The following RBM25 variants were observed in gnomAD, a reference collection of about 807,000 sequenced individuals.
The protein encoded by RBM25 is RNA-binding protein 25.
A neutral mutation model predicts 120.7 loss-of-function variants in RBM25; 19 were observed. The observed-to-expected ratio is 0.16, with a 90% CI of 0.11 to 0.23. The LOEUF is 0.23. Ranked by LOEUF, RBM25 falls within the 10% of genes least tolerant of loss-of-function variation. The probability of loss-of-function intolerance (pLI) is 1.00; values close to 1 mark genes in which losing one functional copy is unlikely to be tolerated. For synonymous variants in RBM25, 390 were observed against 326.7 expected (o/e 1.19, Z -2.09); for missense variants, 605 against 1,041.5 (o/e 0.58, Z 5.77).
At chr14:73,093,322 A>G (rs2140445783) in intron 6 of RBM25, among the ~76,000 whole-genome samples, 1 of 152,368 alleles carries the variant, frequency 6.6e-6, no homozygotes, top group Admixed American at 6.5e-5. Context: ...TCTAGACCTC[A>G]GTGCCAAAGA....
chr14:73,072,000 T>G (rs1042214698), intron 2 of RBM25, among the ~76,000 whole-genome samples: 71 of 151,530 alleles, frequency 4.7e-4, no homozygotes, highest in Admixed American at 9.9e-4. Flanking sequence ...TGAGCTAGAG[T>G]CTTGCTCTGT....
chr14:73,108,276 T>C (rs933579679), intron 13 of RBM25, among the ~76,000 whole-genome samples: 3 of 152,216 alleles, frequency 2.0e-5, no homozygotes, highest in Non-Finnish European at 2.9e-5. Context: ...CCTTGAACTC[T>C]TGGGCTCAAG....
intron 1 of RBM25, chr14:73,068,261 TAG>T (rs1468436202): frequency 1.2e-6 from 1 of 837,900 alleles, no homozygotes; most frequent in Non-Finnish European, 2.1e-6. Flanking sequence ...ATAAACCATT[TAG>T]ACCCCAATAG....
intron 2 of RBM25, among the ~76,000 whole-genome samples, chr14:73,072,924 C>T (rs1051719295): frequency 4.0e-5 from 6 of 151,604 alleles, no homozygotes; most frequent in South Asian, 2.1e-4. Context: ...TTTGTGTGTG[C>T]GTGTGTGTGT....
Position 73,106,055 on chromosome 14 carries a change from C to T in RBM25, c.1351C>T (p.Arg451Ter). 1 of 1,608,664 alleles carries T rather than the reference C, an allele frequency of 6.2e-7. No individual in the cohort carries two copies. Residue 451 changes from arginine to a stop codon, truncating the protein, a stop_gained, in exon 11 of 19, where the codon CGA becomes TGA. Transcript: ENST00000261973. LOFTEE classifies it high-confidence loss of function. ...ACGAAGAAAACTTGAAAGAAAACTC[C>T]GAGAGAAAGAAGCTGCTTATCAAGA... ...YERRKLERKLREKEAAYQERL... is the reference protein window; with the variant it reads ...YERRKLERKL
In RBM25 at chr14:73,119,961, T is replaced by A. The variant is rs370237171; in HGVS notation, c.*156T>A. 7.3e-5 allele frequency: 81 copies of A among 1,105,294 alleles called. No homozygotes were observed. In the East Asian group the frequency reaches 8.2e-4, roughly 11 times the overall value. 68.5% of individuals were successfully genotyped at this position (1,105,294 alleles called of 1,614,324 possible). On this transcript the variant is annotated 3_prime_UTR_variant, in exon 19 of 19. Transcript: ENST00000261973. ...TTGGTCCTCTAATTTGTTGTTGCCC[T>A]GTGTACTCCCTTGGTTGTAAAGTCA...
chr14:73,071,829 G>T, intron 2 of RBM25, 82 bp downstream of exon 2: 3 of 1,148,470 alleles, frequency 2.6e-6, no homozygotes, highest in Non-Finnish European at 3.9e-6. Flanking sequence ...TGTTAGATAT[G>T]TGACTGTGTT....
chr14:73,081,303 A>T (rs542393602), intron 4 of RBM25, among the ~76,000 whole-genome samples: 3 of 152,090 alleles, frequency 2.0e-5, no homozygotes, highest in African/African-American at 7.2e-5. Context: ...ACGTCCGGCT[A>T]ATTTTTGTAT....
intron 6 of RBM25, among the ~76,000 whole-genome samples, chr14:73,089,793 A>G (rs1044299494): frequency 1.3e-5 from 2 of 151,148 alleles, no homozygotes; most frequent in African/African-American, 2.4e-5. Context: ...CAGCCTCCCA[A>G]GTAGCTGGGA....
At position 73,096,935 on chromosome 14, in the gene RBM25, C is replaced by G. The variant is rs751029903; in HGVS notation, c.564C>G (p.Val188=). 2.5e-6 allele frequency: 4 copies of G among 1,612,430 alleles called. No homozygotes were observed. The East Asian group carries it at 8.9e-5, about 36-fold the overall frequency. The change falls in exon 7 of 19, where the codon GTC becomes GTG. Residue 188 remains valine, a synonymous_variant. Transcript: ENST00000261973. ...TTAAGAATGCAAGGCCAGAAACTGT[C>G]ACTAATGACGATGAAGAAGCCTTGG... The part of the protein sequence containing the change: ...ASNGNARPET[V]TNDDEEALDE...
chr14:73,110,336 G>A (rs1331622774), intron 14 of RBM25, among the ~76,000 whole-genome samples: 1 of 152,014 alleles, frequency 6.6e-6, no homozygotes, highest in African/African-American at 2.4e-5. Context: ...GGCATGAGCA[G>A]AATGCCTGAC....
intron 2 of RBM25, among the ~76,000 whole-genome samples, chr14:73,075,089 C>G (rs1224412897): frequency 2.6e-5 from 4 of 151,848 alleles, no homozygotes; most frequent in Non-Finnish European, 5.9e-5. Context: ...ACACCGCAGC[C>G]TTGAACTCCT....
At chr14:73,066,410 C>T (rs1387236120) in intron 1 of RBM25, among the ~76,000 whole-genome samples, 4 of 152,070 alleles carry the variant, frequency 2.6e-5, no homozygotes, top group African/African-American at 4.8e-5. Flanking sequence ...CCGAGGCCGA[C>T]GGATCACTTG....
At position 73,099,562 on chromosome 14, in the gene RBM25, T is replaced by C. The variant is rs192304236; in HGVS notation, c.784-105T>C. ...GATTTGTTATTGTGGATATTCTGTTTACTTATTTACTCTTTGAGACCTATA... is the reference window on the plus strand; with the variant it reads ...GATTTGTTATTGTGGATATTCTGTTCACTTATTTACTCTTTGAGACCTATA... On this transcript the variant is annotated intron_variant, in intron 8 of 18. Transcript: ENST00000261973. 1.9e-4 allele frequency: 308 copies of C among 1,585,958 alleles called. 1 individual carries two copies. In the African/African-American group the frequency reaches 3.8e-3, roughly 20 times the overall value.
chr14:73,080,515 G>A (rs936986965), intron 4 of RBM25, among the ~76,000 whole-genome samples: 5 of 151,746 alleles, frequency 3.3e-5, no homozygotes, highest in Non-Finnish European at 7.4e-5. Flanking sequence ...GAGCCACCGC[G>A]CCCGGCCCTC....
chr14:73,069,213 CTT>C (rs1256378462), intron 1 of RBM25, among the ~76,000 whole-genome samples: 5 of 152,124 alleles, frequency 3.3e-5, no homozygotes, highest in African/African-American at 9.7e-5. Context: ...TGGAATAAAA[CTT>C]TTGTGAACTG....
intron 2 of RBM25, among the ~76,000 whole-genome samples, chr14:73,073,121 G>T (rs778365832): frequency 1.3e-5 from 2 of 152,008 alleles, no homozygotes; most frequent in Non-Finnish European, 1.5e-5. Context: ...AAAGATGGGG[G>T]TCTCACCATC....
intron 2 of RBM25, among the ~76,000 whole-genome samples, chr14:73,073,227 C>T (rs1191675622): frequency 6.6e-6 from 1 of 152,048 alleles, no homozygotes; most frequent in African/African-American, 2.4e-5. Context: ...CTGCACCTGA[C>T]CTTGTCTTTA....
chr14:73,099,184 G>C (rs1235825868), intron 7 of RBM25, among the ~76,000 whole-genome samples, 196 bp from the exon 8 acceptor site: 2 of 152,196 alleles, frequency 1.3e-5, no homozygotes, highest in African/African-American at 2.4e-5. Context: ...GGAGTATCCA[G>C]AGAGGAGGGT....
Sources: allele counts gnomAD v4.1 joint callset (sites outside exome capture counted in the v4.1 genomes callset), GRCh38; gene constraint gnomAD v4.1.1; transcripts MANE v1.5; gene names NCBI Gene and HGNC (gene_info 2026-07-23, HGNC 2026-07-21).